The following RIMS2 variants were observed in gnomAD, a reference collection of about 807,000 sequenced individuals.
RIMS2 encodes regulating synaptic membrane exocytosis protein 2.
A neutral mutation model predicts 174.4 loss-of-function variants in RIMS2; 59 were observed. The observed-to-expected ratio is 0.34, with a 90% CI of 0.27 to 0.42. RIMS2 has a LOEUF of 0.42. RIMS2 is among the 10% of genes least tolerant of loss of function. The pLI is 1.00. For synonymous variants in RIMS2, 606 were observed against 572.5 expected (o/e 1.06, Z -0.84); for missense variants, 1,620 against 1,666.3 (o/e 0.97, Z 0.48).
intron 2 of RIMS2, among the ~76,000 whole-genome samples, chr8:103,739,540 A>G (rs928890586): frequency 6.6e-6 from 1 of 152,130 alleles, no homozygotes; most frequent in Non-Finnish European, 1.5e-5. Flanking sequence ...TAAAACATAA[A>G]ATAAACTTCA....
At chr8:104,196,700 T>C (rs1285170614) in intron 19 of RIMS2, among the ~76,000 whole-genome samples, 1 of 152,176 alleles carries the variant, frequency 6.6e-6, no homozygotes, top group Non-Finnish European at 1.5e-5. Flanking sequence ...GTCCAAAGTT[T>C]ATAAGCTTAA....
chr8:103,948,716 G>T (rs2084462465), intron 14 of RIMS2, among the ~76,000 whole-genome samples: 1 of 152,088 alleles, frequency 6.6e-6, no homozygotes, highest in South Asian at 2.1e-4. Flanking sequence ...TTTTGGGGGT[G>T]AAGGAGATAT....
At chr8:103,579,250 C>G (rs529125237) in intron 1 of RIMS2, among the ~76,000 whole-genome samples, 1,732 of 141,976 alleles carry the variant, frequency 0.012, 41 homozygotes, top group African/African-American at 0.043. Context: ...CCCTCTCTCT[C>G]TGTCTCTGTC....
intron 19 of RIMS2, among the ~76,000 whole-genome samples, chr8:104,043,592 G>A (rs1342577798): frequency 6.6e-6 from 1 of 151,654 alleles, no homozygotes; most frequent in Non-Finnish European, 1.5e-5. Flanking sequence ...AATTTTTCAT[G>A]AATTGGGAGA....
intron 19 of RIMS2, among the ~76,000 whole-genome samples, chr8:104,129,316 T>C (rs2098455990): frequency 6.6e-6 from 1 of 151,980 alleles, no homozygotes; most frequent in Non-Finnish European, 1.5e-5. Context: ...GCAAAGGAGT[T>C]TGAGGTTACA....
intron 1 of RIMS2, among the ~76,000 whole-genome samples, chr8:103,513,494 G>A (rs1464202009): frequency 3.3e-5 from 5 of 152,104 alleles, no homozygotes; most frequent in African/African-American, 1.2e-4. Context: ...TCTTAGCAGG[G>A]TTAGGACAGT....
chr8:103,704,049 C>T (rs1453183541), intron 2 of RIMS2, among the ~76,000 whole-genome samples: 2 of 151,804 alleles, frequency 1.3e-5, no homozygotes, highest in Admixed American at 6.6e-5. Context: ...AAGTGGGTAT[C>T]CTAGACTTGT....
At chr8:104,180,176 T>G (rs2098931797) in intron 19 of RIMS2, among the ~76,000 whole-genome samples, 2 of 151,774 alleles carry the variant, frequency 1.3e-5, no homozygotes, top group Admixed American at 1.3e-4. Context: ...TATGTATGAT[T>G]TATCTGTAGG....
In RIMS2 at chr8:104,223,748, G is replaced by T. The variant is rs763869103; in HGVS notation, c.3335-21168G>T. On this transcript the variant is annotated intron_variant, in intron 19 of 23. Transcript: ENST00000504942. ...CCTGTCTGCCTCCTTCGAGGCACTG[G>T]CCGGCTACTTTCCCTGCATGAACTC... The T allele has an allele frequency of 5.0e-6, 8 of 1,595,678 alleles. No homozygotes were observed. The South Asian group carries it at 8.8e-5, about 18-fold the overall frequency.
At chr8:103,883,221 T>G (rs911031419) in intron 3 of RIMS2, among the ~76,000 whole-genome samples, 1 of 151,792 alleles carries the variant, frequency 6.6e-6, no homozygotes, top group Non-Finnish European at 1.5e-5. Context: ...ATGTAAAATC[T>G]ATGCCTCTCA....
At chr8:104,128,955 C>G (rs925476087) in intron 19 of RIMS2, among the ~76,000 whole-genome samples, 5 of 152,136 alleles carry the variant, frequency 3.3e-5, no homozygotes, top group African/African-American at 9.7e-5. Flanking sequence ...TTTGCAATTT[C>G]TGAATGTTAT....
At chr8:103,998,429 A>G (rs1289545239) in intron 17 of RIMS2, among the ~76,000 whole-genome samples, 1 of 151,846 alleles carries the variant, frequency 6.6e-6, no homozygotes, top group East Asian at 1.9e-4. Context: ...TTGTAGTAGG[A>G]CATAAAAAAT....
intron 1 of RIMS2, among the ~76,000 whole-genome samples, chr8:103,538,208 C>T (rs1840738434): frequency 6.6e-6 from 1 of 152,128 alleles, no homozygotes; most frequent in Non-Finnish European, 1.5e-5. Context: ...TTGCTTCTTC[C>T]TCTCTTTGTA....
chr8:103,730,187 G>A (rs1041303328), intron 2 of RIMS2, among the ~76,000 whole-genome samples: 10 of 152,174 alleles, frequency 6.6e-5, no homozygotes, highest in Non-Finnish European at 1.3e-4. Flanking sequence ...CGTGGGTGGT[G>A]GGGGGTTTAA....
chr8:104,226,751 C>T (rs537699536), intron 19 of RIMS2, among the ~76,000 whole-genome samples: 9 of 152,278 alleles, frequency 5.9e-5, no homozygotes, highest in Non-Finnish European at 1.2e-4. Flanking sequence ...CTCTCAGTTT[C>T]TCATGAACCA....
chr8:103,723,753 C>A (rs944440142), intron 2 of RIMS2, among the ~76,000 whole-genome samples: 1 of 152,174 alleles, frequency 6.6e-6, no homozygotes, highest in Non-Finnish European at 1.5e-5. Flanking sequence ...CCTGAGCCAA[C>A]ATGAAAGGCT....
intron 19 of RIMS2, among the ~76,000 whole-genome samples, chr8:104,124,138 T>A (rs187298175): frequency 2.6e-4 from 40 of 152,266 alleles, no homozygotes; most frequent in African/African-American, 3.6e-4. Flanking sequence ...AACAAAACTT[T>A]TTTTCTTAAA....
intron 3 of RIMS2, among the ~76,000 whole-genome samples, chr8:103,818,092 T>A (rs1048921016): frequency 1.3e-5 from 2 of 152,084 alleles, no homozygotes; most frequent in African/African-American, 4.8e-5. Context: ...AAAAAATGGT[T>A]GTTTAAAAAT....
chr8:103,982,318 AAAG>A (rs1352847326), intron 16 of RIMS2, among the ~76,000 whole-genome samples: 2 of 152,156 alleles, frequency 1.3e-5, no homozygotes, highest in Non-Finnish European at 2.9e-5. Flanking sequence ...ACAAACATTT[AAAG>A]AAGAACCAAT....
Sources: allele counts gnomAD v4.1 joint callset (sites outside exome capture counted in the v4.1 genomes callset), GRCh38; gene constraint gnomAD v4.1.1; transcripts MANE v1.5; gene names NCBI Gene and HGNC (gene_info 2026-07-23, HGNC 2026-07-21).